PHACTR2: variants seen among roughly 807,000 people sequenced by gnomAD.
The protein encoded by PHACTR2 is chromosome 6 open reading frame 56.
PHACTR2 carries 30 observed loss-of-function variants against 76.0 expected under a neutral mutation model. That is an observed-to-expected ratio of 0.39 (90% CI 0.30 to 0.54). The LOEUF is 0.54. PHACTR2 is among the 20% of genes least tolerant of loss of function. The pLI is 0.61. For synonymous variants in PHACTR2, 292 were observed against 292.5 expected (o/e 1.00, Z 0.02); for missense variants, 696 against 781.1 (o/e 0.89, Z 1.30).
At chr6:143,629,471 G>A (rs879293855) in intron 1 of PHACTR2, among the ~76,000 whole-genome samples, 9 of 152,198 alleles carry the variant, frequency 5.9e-5, no homozygotes, top group South Asian at 2.1e-4. Context: ...AGTACCTCAC[G>A]GTGATGGAGA....
At position 143,678,247 on chromosome 6, in the gene PHACTR2, G is replaced by C; in HGVS notation, c.46+38G>C. 1 of 1,432,662 alleles carries C rather than the reference G, an allele frequency of 7.0e-7. No homozygotes were observed. The allele number at this position is 1,432,662 out of a possible 1,614,324, so 88.7% of individuals were successfully genotyped here. A position where few individuals can be genotyped will look rare whatever the true frequency, so the allele number is the denominator to read the frequency against. ...CGCACGCGATGCGCTCCCGCCGCGC[G>C]GGCGCAGGGCTGGCGGCGGGGCCCC... On this transcript the variant is annotated intron_variant, in intron 1 of 12. Coordinates refer to ENST00000440869, the MANE Select transcript of PHACTR2 (RefSeq NM_001100164.2). The surrounding 1 kb of genome is among the most constrained non-coding windows in gnomAD (Gnocchi z 6.2).
chr6:143,563,288 A>T (rs1775307473), intron 1 of PHACTR2, among the ~76,000 whole-genome samples: 1 of 152,070 alleles, frequency 6.6e-6, no homozygotes, highest in Non-Finnish European at 1.5e-5. Context: ...CAAGAGAAGA[A>T]ACCCGGGGGC....
In PHACTR2 at chr6:143,772,558, G is replaced by A. The variant is rs192148527; in HGVS notation, c.1432+101G>A. 9.3e-4 allele frequency: 765 copies of A among 820,190 alleles called. 3 individuals carry two copies. The highest frequency in any genetic ancestry group is 1.7e-3 in the Middle Eastern group (5 of 3,008). The allele number at this position is 820,190 out of a possible 1,614,324, so 50.8% of individuals were successfully genotyped here. On this transcript the variant is annotated intron_variant, in intron 7 of 12. Coordinates refer to ENST00000440869, the MANE Select transcript of PHACTR2 (RefSeq NM_001100164.2). The surrounding 1 kb of genome is among the most constrained non-coding windows in gnomAD (Gnocchi z 5.4). ...CCTCATTAGGAACCAGACATCTGAT[G>A]TTTTCTTTCCCCTCATCCTCCTTTC...
At position 143,708,414 on chromosome 6, in the gene PHACTR2, A is replaced by T. The variant is rs1183922654; in HGVS notation, c.47-3602A>T. On this transcript the variant is annotated intron_variant, in intron 1 of 12. Coordinates refer to ENST00000440869, the MANE Select transcript of PHACTR2 (RefSeq NM_001100164.2). This position sits in a 1 kb window ranked among gnomAD's most constrained non-coding sequence, Gnocchi z 5.5. Reference sequence around the variant, plus strand: ...AGTGTGAAAAGGTAAGTTCTGATGAATGACAAGTTACTCTTAGTAACATAA... The same window carrying T: ...AGTGTGAAAAGGTAAGTTCTGATGATTGACAAGTTACTCTTAGTAACATAA... Among the ~76,000 whole-genome samples, 1 of 152,216 alleles carries T rather than the reference A, an allele frequency of 6.6e-6. No homozygotes were observed. The highest frequency in any genetic ancestry group is 1.5e-5 in the Non-Finnish European group (1 of 68,032).
intron 12 of PHACTR2, among the ~76,000 whole-genome samples, chr6:143,817,292 G>A (rs1776320704): frequency 6.6e-6 from 1 of 152,182 alleles, no homozygotes; most frequent in Non-Finnish European, 1.5e-5. Context: ...TTTGGCGAGG[G>A]CTAAATAATT....
chr6:143,802,555 G>A (rs752307375), intron 11 of PHACTR2, among the ~76,000 whole-genome samples: 4 of 146,882 alleles, frequency 2.7e-5, no homozygotes, highest in Non-Finnish European at 5.9e-5. Context: ...GCTGAGGTGG[G>A]AGGGTGTCTT....
chr6:143,805,908 G>T (rs1776053046), intron 11 of PHACTR2, among the ~76,000 whole-genome samples: 1 of 152,138 alleles, frequency 6.6e-6, no homozygotes, highest in African/African-American at 2.4e-5. Context: ...ACAGGCCTCA[G>T]GGCTTTTTTT....
In PHACTR2 at chr6:143,579,140, G is replaced by A. The variant is rs186833841; in HGVS notation, c.217+41933G>A. Among the ~76,000 whole-genome samples, 388 of 152,306 alleles carry A rather than the reference G, an allele frequency of 2.5e-3. 2 individuals are homozygous for A. Among genetic ancestry groups the A allele is most frequent in the Admixed American group, 6.8e-3 (104 of 15,296 alleles). Reference sequence around the variant, plus strand: ...GACGGTCTTGAACTCCTGGGCTCAAGTGATCCCCCCACCTTGGCCTCCCAA... The same window carrying A: ...GACGGTCTTGAACTCCTGGGCTCAAATGATCCCCCCACCTTGGCCTCCCAA... On this transcript the variant is annotated intron_variant, in intron 1 of 11. Transcript: ENST00000367584.
intron 2 of PHACTR2, among the ~76,000 whole-genome samples, chr6:143,716,151 G>C (rs1481522464): frequency 6.6e-6 from 1 of 152,110 alleles, no homozygotes; most frequent in Non-Finnish European, 1.5e-5. Flanking sequence ...GACTTTACAA[G>C]TATCAAGCCT....
In PHACTR2 at chr6:143,541,735, G is replaced by A. The variant is rs146427915; in HGVS notation, c.217+4528G>A. Among the ~76,000 whole-genome samples the A allele has an allele frequency of 6.0e-4, 92 of 152,324 alleles. No individual in the cohort carries two copies. Among genetic ancestry groups the A allele is most frequent in the Non-Finnish European group, 1.1e-3 (77 of 68,036 alleles). On this transcript the variant is annotated intron_variant, in intron 1 of 11. Coordinates refer to the PHACTR2 transcript ENST00000367584. This position sits in a 1 kb window ranked among gnomAD's most constrained non-coding sequence, Gnocchi z 5.3. Reference sequence around the variant, plus strand: ...ACCTCAATGTACTATCAGTTCATATGCACTGCTTCCTGGCCACTTCCATGA... The same window carrying A: ...ACCTCAATGTACTATCAGTTCATATACACTGCTTCCTGGCCACTTCCATGA...
chr6:143,604,309 T>A (rs1376255680), upstream of PHACTR2, among the ~76,000 whole-genome samples: 2 of 152,132 alleles, frequency 1.3e-5, no homozygotes, highest in Non-Finnish European at 2.9e-5. Context: ...CAGTTTACTC[T>A]TTTACTTCTC....
rs1225832203 is a variant in PHACTR2 at position 143,795,693 on chromosome 6, T to TG, written c.1845+6785dup. Among the ~76,000 whole-genome samples the TG allele has an allele frequency of 6.6e-6, 1 of 152,212 alleles. No individual in the cohort carries two copies. The highest frequency in any genetic ancestry group is 1.5e-5 in the Non-Finnish European group (1 of 68,042). On this transcript the variant is annotated intron_variant, in intron 11 of 12. Transcript: ENST00000440869. This position sits in a 1 kb window ranked among gnomAD's most constrained non-coding sequence, Gnocchi z 4.8. The stretch of plus-strand genomic sequence containing the variant: ...GCTTTAGAACTGGGCACTTCTAGGA[T>TG]GGATTGATCCTTGACTTGGCCACTT...
chr6:143,610,514 T>A lies in PHACTR2; in HGVS notation c.13+2192T>A, dbSNP rs547252821. 6.6e-6 allele frequency among the ~76,000 whole-genome samples: 1 copy of A among 152,106 alleles called. No homozygotes were observed. Among genetic ancestry groups the A allele is most frequent in the Non-Finnish European group, 1.5e-5 (1 of 68,024 alleles). On this transcript the variant is annotated intron_variant, in intron 1 of 11. Coordinates refer to the PHACTR2 transcript ENST00000305766. The surrounding 1 kb of genome is among the most constrained non-coding windows in gnomAD (Gnocchi z 4.9). ...CTAGCAAGGCTTTCTGTGTGGGAGTTTGGATAATTGACAGGCAGAAGCACA... is the reference window on the plus strand; with the variant it reads ...CTAGCAAGGCTTTCTGTGTGGGAGTATGGATAATTGACAGGCAGAAGCACA...
At chr6:143,773,548 A>G (rs1033074443) in intron 7 of PHACTR2, among the ~76,000 whole-genome samples, 15 of 150,874 alleles carry the variant, frequency 9.9e-5, no homozygotes, top group African/African-American at 3.4e-4. Context: ...AAAAAAAACC[A>G]TTATCATCCA....
rs150923133 is a variant in PHACTR2 at position 143,683,341 on chromosome 6, T to C, written c.46+5132T>C. Among the ~76,000 whole-genome samples the C allele has an allele frequency of 5.2e-3, 799 of 152,364 alleles. 8 individuals are homozygous for C. Among genetic ancestry groups the C allele is most frequent in the African/African-American group, 0.018 (745 of 41,584 alleles). ...CCAATGATTATATGAATGAGAGGTA[T>C]GTATTTTTTATATTCTTTTTTTAGT... On this transcript the variant is annotated intron_variant, in intron 1 of 12. Coordinates refer to ENST00000440869, the MANE Select transcript of PHACTR2 (RefSeq NM_001100164.2). The surrounding 1 kb of genome is among the most constrained non-coding windows in gnomAD (Gnocchi z 4.1).
intron 2 of PHACTR2, among the ~76,000 whole-genome samples, chr6:143,740,455 G>A (rs919251261): frequency 4.7e-4 from 66 of 140,230 alleles, no homozygotes; most frequent in African/African-American, 1.5e-3. Flanking sequence ...TGGCTCACAC[G>A]CCTCTGACAC....
chr6:143,713,776 T>G (rs1778237204), intron 2 of PHACTR2, among the ~76,000 whole-genome samples: 1 of 152,152 alleles, frequency 6.6e-6, no homozygotes, highest in Non-Finnish European at 1.5e-5. Flanking sequence ...TCTCCTCTGT[T>G]TTTTGGTTGT....
In PHACTR2 at chr6:143,772,045, T is replaced by C. The variant is rs1562301340; in HGVS notation, c.1233-213T>C. 6.6e-6 allele frequency among the ~76,000 whole-genome samples: 1 copy of C among 152,186 alleles called. No homozygotes were observed. Among genetic ancestry groups the C allele is most frequent in the Non-Finnish European group, 1.5e-5 (1 of 68,022 alleles). On this transcript the variant is annotated intron_variant, in intron 6 of 12. Transcript: ENST00000440869. The surrounding 1 kb of genome is among the most constrained non-coding windows in gnomAD (Gnocchi z 5.4). ...TTACCCTATTTGTTTGCTAAATGTA[T>C]CAGATACCAAGCGTTTGCATTTTAC...
chr6:143,614,040 A>G (rs7745786), intron 1 of PHACTR2, among the ~76,000 whole-genome samples: 85,363 of 151,986 alleles, frequency 0.56, 25,703 homozygotes, highest in Middle Eastern at 0.71. Context: ...GACCAACATA[A>G]TGAAACCCCC....
Sources: gnomAD v4.1 joint callset for allele counts (sites outside exome capture counted in the v4.1 genomes callset) on GRCh38, gnomAD v4.1.1 for gene constraint, Gnocchi (gnomAD v3.1) non-coding constraint, MANE v1.5 for transcripts, NCBI Gene and HGNC (gene_info 2026-07-23, HGNC 2026-07-21) for gene names.